The following FBXO38 variants were observed in gnomAD, a reference collection of about 807,000 sequenced individuals.
FBXO38 encodes F-box protein 38, also known as F-box only protein 38.
A neutral mutation model predicts 131.9 loss-of-function variants in FBXO38; 53 were observed. The ratio of observed to expected loss-of-function variants is 0.40; its 90% CI spans 0.32 to 0.51. The LOEUF is 0.51. Ranked by LOEUF, FBXO38 falls within the 20% of genes least tolerant of loss-of-function variation. The pLI is 0.53. For missense variants in FBXO38, 1,076 were observed against 1,475.6 expected (o/e 0.73, Z 4.44); for synonymous variants, 452 against 505.6 (o/e 0.89, Z 1.42).
At chr5:148,395,132 C>T (rs1013901121) in intron 2 of FBXO38, among the ~76,000 whole-genome samples, 4 of 152,162 alleles carry the variant, frequency 2.6e-5, no homozygotes, top group Admixed American at 2.6e-4. Context: ...CAAAATATTT[C>T]TTTTGTCACA....
In FBXO38 at chr5:148,408,123, G is replaced by A. The variant is rs145808395; in HGVS notation, c.869-1001G>A. ...AAGAAGCCAATAAACATGAAAAAAC[G>A]ATAAAAGTTTACTAATCGTTAGGGA... On this transcript the variant is annotated intron_variant, in intron 7 of 21. Transcript: ENST00000340253. 2.0e-3 allele frequency among the ~76,000 whole-genome samples: 301 copies of A among 152,220 alleles called. 1 individual carries two copies. The highest frequency in any genetic ancestry group is 3.4e-3 in the Non-Finnish European group (234 of 68,014).
chr5:148,410,974 A>T (rs1752717813), intron 9 of FBXO38: 4 of 504,198 alleles, frequency 7.9e-6, no homozygotes. Context: ...ATTATAGAAA[A>T]TATAGTTACT....
chr5:148,433,004 A>G lies in FBXO38; in HGVS notation c.2654-420A>G, dbSNP rs112329461. Among the ~76,000 whole-genome samples, 344 of 152,326 alleles carry G rather than the reference A, an allele frequency of 2.3e-3. 3 individuals carry two copies. The highest frequency in any genetic ancestry group is 7.8e-3 in the African/African-American group (325 of 41,574). ...ATTGGCAGTGGGAGATGACTAGAGT[A>G]TGGTATGGAGAGTGGACAGAGCTGA... On this transcript the variant is annotated intron_variant, in intron 15 of 21. Transcript: ENST00000340253.
intron 1 of FBXO38, among the ~76,000 whole-genome samples, chr5:148,393,853 A>C (rs1261467494): frequency 1.3e-5 from 2 of 152,142 alleles, no homozygotes; most frequent in Non-Finnish European, 2.9e-5. Context: ...CATTATTAAA[A>C]TATTCCTAGA....
At chr5:148,404,998 A>T (rs1561522004) in intron 6 of FBXO38, among the ~76,000 whole-genome samples, 176 bp downstream of exon 6, 2 of 149,594 alleles carry the variant, frequency 1.3e-5, no homozygotes, top group Non-Finnish European at 3.0e-5. Flanking sequence ...TAGAAAGATG[A>T]TTTGTGTTTG....
At chr5:148,433,395 T>C in intron 15 of FBXO38, 29 bp from the exon 16 acceptor site, 2 of 1,539,974 alleles carry the variant, frequency 1.3e-6, no homozygotes, top group Middle Eastern at 1.7e-4. Context: ...GGCTAAAATT[T>C]GGATTTTCTT....
At chr5:148,413,037 CA>C (rs1269947423) in intron 9 of FBXO38, among the ~76,000 whole-genome samples, 1 of 152,090 alleles carries the variant, frequency 6.6e-6, no homozygotes, top group South Asian at 2.1e-4. Context: ...GCCCAGGAAA[CA>C]GGGTCAGTTC....
rs749218891 is a variant in FBXO38, at chr5:148,415,991, A to T, written c.1328A>T (p.Asp443Val). ...NLVRCHALKL[D>V]SFGQFIELLP... ...GTACGGTGCCATGCTTTGAAGCTGG[A>T]CTCTTTTGGCCAGTTTATTGAATTA... The change falls in exon 11 of 22, where the codon GAC becomes GTC. Residue 443 changes from aspartate (D) to valine (V), a missense_variant. Coordinates refer to ENST00000340253, the MANE Select transcript of FBXO38 (RefSeq NM_205836.3). 4 of 1,612,856 alleles carry T rather than the reference A, an allele frequency of 2.5e-6. No homozygotes were observed. The highest frequency in any genetic ancestry group is 3.4e-6 in the Non-Finnish European group (4 of 1,179,448).
intron 9 of FBXO38, among the ~76,000 whole-genome samples, chr5:148,412,539 G>C (rs1056765817): frequency 1.3e-5 from 2 of 152,086 alleles, no homozygotes; most frequent in African/African-American, 4.8e-5. Context: ...TGTTCATGTG[G>C]ATTTATGATC....
At chr5:148,439,274 C>A (rs1244330105) in intron 18 of FBXO38, among the ~76,000 whole-genome samples, 3 of 152,164 alleles carry the variant, frequency 2.0e-5, no homozygotes, top group Non-Finnish European at 2.9e-5. Flanking sequence ...GACTGGGCAG[C>A]AGTCTCATTT....
At chr5:148,410,524 G>C in intron 8 of FBXO38, 111 bp from the exon 9 acceptor site, 1 of 1,269,588 alleles carries the variant, frequency 7.9e-7, no homozygotes, top group Non-Finnish European at 1.1e-6. Context: ...CCAGTCTCAG[G>C]TACGTCTTTG....
intron 12 of FBXO38, among the ~76,000 whole-genome samples, chr5:148,422,380 CCTT>C (rs1437309032): frequency 2.0e-5 from 3 of 152,230 alleles, no homozygotes; most frequent in Non-Finnish European, 4.4e-5. Context: ...ATGGCTGGCT[CCTT>C]CTTGACTTTT....
chr5:148,427,113 A>G, intron 14 of FBXO38, 100 bp from the exon 15 acceptor site: 2 of 1,350,814 alleles, frequency 1.5e-6, no homozygotes, highest in Non-Finnish European at 2.0e-6. Flanking sequence ...AGTGTTTAGT[A>G]TACATTATTT....
intron 6 of FBXO38, among the ~76,000 whole-genome samples, chr5:148,405,599 C>A (rs1470261207): frequency 6.6e-6 from 1 of 152,162 alleles, no homozygotes; most frequent in Non-Finnish European, 1.5e-5. Flanking sequence ...ATTCATTGTT[C>A]CCTGGTCAGC....
chr5:148,438,767 T>G (rs544071570), intron 18 of FBXO38, among the ~76,000 whole-genome samples: 1 of 152,202 alleles, frequency 6.6e-6, no homozygotes. Flanking sequence ...TGTAGCAGAT[T>G]ATTTGACTTC....
rs1325601729 is a variant in FBXO38, at chr5:148,425,516, T to C, written c.1739-6T>C. The C allele has an allele frequency of 6.2e-7, 1 of 1,609,848 alleles. No individual in the cohort carries two copies. The highest frequency in any genetic ancestry group is 1.7e-5 in the Admixed American group (1 of 59,360). On this transcript the variant is annotated splice_polypyrimidine_tract_variant and splice_region_variant and intron_variant, in intron 13 of 21. Transcript: ENST00000340253. ...AGTAACTGTTAGGCCTGTGCTTTTT[T>C]TTAAGGACCCAGTGGTCTTCAGCGT...
At chr5:148,421,250 C>T (rs1305227868) in intron 12 of FBXO38, among the ~76,000 whole-genome samples, 1 of 152,152 alleles carries the variant, frequency 6.6e-6, no homozygotes, top group African/African-American at 2.4e-5. Context: ...AGGCATGAGC[C>T]ACCACGCCCG....
chr5:148,407,104 A>C (rs1752484948), intron 7 of FBXO38, among the ~76,000 whole-genome samples: 1 of 152,242 alleles, frequency 6.6e-6, no homozygotes, highest in South Asian at 2.1e-4. Flanking sequence ...AATGAAGAGT[A>C]AACACTACAT....
intron 2 of FBXO38, among the ~76,000 whole-genome samples, chr5:148,395,768 C>T (rs1758448266): frequency 6.6e-6 from 1 of 151,716 alleles, no homozygotes; most frequent in South Asian, 2.1e-4. Context: ...GCTACATGGT[C>T]TTCATAATTT....
Sources: allele counts gnomAD v4.1 joint callset (sites outside exome capture counted in the v4.1 genomes callset), GRCh38; gene constraint gnomAD v4.1.1; transcripts MANE v1.5; gene names NCBI Gene and HGNC (gene_info 2026-07-23, HGNC 2026-07-21).